Variants in USP14 observed in about 807,000 individuals in gnomAD.
The protein encoded by USP14 is ubiquitin specific peptidase 14.
A neutral mutation model predicts 76.5 loss-of-function variants in USP14; 38 were observed. The ratio of observed to expected loss-of-function variants is 0.50; its 90% confidence interval spans 0.38 to 0.65. The LOEUF (loss-of-function observed/expected upper bound fraction) is 0.65, where lower values mean the gene tolerates loss of function less well. USP14 is among the 30% of genes least tolerant of loss of function. The pLI is 0.00. For missense variants in USP14, 467 were observed against 586.5 expected, an observed-to-expected ratio of 0.80 and a Z score of 2.10; for synonymous variants, 192 against 191.7, an observed-to-expected ratio of 1.00 and a Z score of -0.01.
chr18:198,880 T>C (rs1910313576), intron 9 of USP14, among the ~76,000 whole-genome samples: 1 of 152,180 alleles, frequency 6.6e-6, no homozygotes, highest in African/African-American at 2.4e-5. Flanking sequence ...TTCTAGGTCA[T>C]GGTTAGAAAA....
chr18:195,046 T>C (rs76518738), intron 6 of USP14, among the ~76,000 whole-genome samples: 10 of 152,148 alleles, frequency 6.6e-5, no homozygotes, highest in African/African-American at 2.4e-4. Context: ...TTTTTTTTTT[T>C]CCTTCTTCAG....
intron 6 of USP14, among the ~76,000 whole-genome samples, chr18:193,624 C>T (rs532865284): frequency 1.1e-4 from 17 of 152,170 alleles, no homozygotes; most frequent in Non-Finnish European, 2.4e-4. Flanking sequence ...ACCCATTTAT[C>T]TATGTGTTAT....
At chr18:173,189 A>G (rs1472679218) in intron 3 of USP14, among the ~76,000 whole-genome samples, 1 of 151,404 alleles carries the variant, frequency 6.6e-6, no homozygotes, top group East Asian at 1.9e-4. Flanking sequence ...GCTCACTGCA[A>G]GCTCCACCTC....
At chr18:210,314 T>A (rs1910636528) in intron 14 of USP14, 72 bp from the exon 15 acceptor site, 1 of 1,108,030 alleles carries the variant, frequency 9.0e-7, no homozygotes, top group Non-Finnish European at 1.3e-6. Flanking sequence ...TTAGAGTTAT[T>A]CTTGTTACTT....
At chr18:183,378 T>C (rs764492193) in intron 5 of USP14, among the ~76,000 whole-genome samples, 36 of 152,124 alleles carry the variant, frequency 2.4e-4, no homozygotes, top group Middle Eastern at 3.4e-3. Context: ...GTTTTATTTA[T>C]CTTATAAAAG....
In USP14 at chr18:210,046, C is replaced by T; in HGVS notation, c.1225+15C>T. ...TTTTGCTGATGGTAAGTAACATTCT[C>T]ATTTTAATTGAGTTATTGTATGTGG... is the stretch of plus-strand genomic sequence containing the variant. On this transcript the variant is annotated intron_variant, in intron 14 of 15. Coordinates refer to ENST00000261601, the MANE Select transcript of USP14 (RefSeq NM_005151.4). The T allele has an allele frequency of 6.3e-7, 1 of 1,582,666 alleles. No individual in the cohort carries two copies. The highest frequency in any genetic ancestry group is 1.4e-5 in the African/African-American group (1 of 73,550).
At chr18:194,861 G>T (rs1207892043) in intron 6 of USP14, among the ~76,000 whole-genome samples, 1 of 152,138 alleles carries the variant, frequency 6.6e-6, no homozygotes, top group Admixed American at 6.5e-5. Context: ...AACCTGGGAG[G>T]CAGAGGTTAC....
chr18:172,003 G>A (rs1447522292), intron 3 of USP14, among the ~76,000 whole-genome samples: 1 of 152,184 alleles, frequency 6.6e-6, no homozygotes, highest in Non-Finnish European at 1.5e-5. Context: ...CACTTTGGGA[G>A]TCTGAGACAG....
In USP14 at chr18:158,713, C is replaced by T. The variant is rs756443935; in HGVS notation, c.15C>T (p.Ser5=). The T allele has an allele frequency of 7.2e-6, 11 of 1,533,934 alleles. No individual in the cohort carries two copies. The African/African-American group carries it at 8.6e-5, about 12-fold the overall frequency. MPLY[S]VTVKWGKEKF... ...CGCGCCCCGCCATGCCGCTCTACTC[C>T]GGTGAGCCCTGTCCTGGCCTCGCGC... Residue 5 remains serine, a splice_region_variant and synonymous_variant, in exon 1 of 16, where the codon TCC becomes TCT. Coordinates refer to ENST00000261601, the MANE Select transcript of USP14 (RefSeq NM_005151.4).
chr18:204,676 A>G lies in USP14; in HGVS notation c.1148A>G (p.Asn383Ser). ...KFKDLEDKKV[N>S]QQPNTSDKKS... ...AAGGATCTAGAAGATAAAAAAGTGA[A>G]TCAGCAGCCAAATACAGTAGGTTCT... Residue 383 changes from asparagine to serine, a missense_variant, in exon 13 of 16, where the codon AAT (asparagine) becomes AGT (serine). Physicochemically the swap from Asn to Ser is conservative, Grantham distance 46 (BLOSUM62 1). Transcript: ENST00000261601. The G allele has an allele frequency of 1.2e-6, 2 of 1,612,544 alleles. No individual in the cohort carries two copies. Among genetic ancestry groups the G allele is most frequent in the Non-Finnish European group, 1.7e-6 (2 of 1,179,634 alleles).
Position 163,340 on chromosome 18 carries a change from G to C in USP14, c.49G>C (p.Gly17Arg), listed in dbSNP as rs200624478. Residue 17 changes from glycine to arginine, a missense_variant, in exon 2 of 16, where the codon GGT (glycine) becomes CGT (arginine). Physicochemically the swap from Gly to Arg is moderately radical, Grantham distance 125. Coordinates refer to ENST00000261601, the MANE Select transcript of USP14 (RefSeq NM_005151.4). ...AAAATGGGGAAAGGAGAAATTTGAA[G>C]GTGTAGAATTGAATACAGATGAACC... ...TVKWGKEKFEGVELNTDEPPM... is the reference protein window; with the variant it reads ...TVKWGKEKFERVELNTDEPPM... The C allele has an allele frequency of 1.3e-5, 21 of 1,610,852 alleles. No homozygotes were observed. The Admixed American group carries it at 2.4e-4, about 18-fold the overall frequency.
At chr18:172,709 T>C (rs1019804250) in intron 3 of USP14, among the ~76,000 whole-genome samples, 8 of 146,844 alleles carry the variant, frequency 5.4e-5, no homozygotes, top group African/African-American at 4.9e-5. Context: ...TAGATGATTG[T>C]CAGCTTTTTT....
At chr18:170,882 A>C (rs1369038318) in intron 3 of USP14, among the ~76,000 whole-genome samples, 1 of 151,804 alleles carries the variant, frequency 6.6e-6, no homozygotes, top group Non-Finnish European at 1.5e-5. Context: ...GGAGAGCATC[A>C]GGATAAATAG....
chr18:160,682 T>G (rs976679936), intron 1 of USP14, among the ~76,000 whole-genome samples: 4 of 152,236 alleles, frequency 2.6e-5, no homozygotes, highest in African/African-American at 9.6e-5. Flanking sequence ...GCACAATAAA[T>G]TTCAGGTAGG....
intron 3 of USP14, among the ~76,000 whole-genome samples, chr18:173,035 C>G (rs977487874): frequency 6.6e-6 from 1 of 150,420 alleles, no homozygotes; most frequent in African/African-American, 2.4e-5. Flanking sequence ...GCCAAGTTTA[C>G]AAGATTTTTT....
intron 10 of USP14, among the ~76,000 whole-genome samples, chr18:202,116 C>G (rs958760156): frequency 6.6e-6 from 1 of 152,094 alleles, no homozygotes; most frequent in South Asian, 2.1e-4. Context: ...TGTTTGTTTT[C>G]TTAAAGCAGA....
chr18:201,633 A>G (rs1018631363), intron 10 of USP14, among the ~76,000 whole-genome samples: 1 of 152,184 alleles, frequency 6.6e-6, no homozygotes, highest in Non-Finnish European at 1.5e-5. Flanking sequence ...CAAATCATGT[A>G]AGGCATGGTG....
rs1910705423 is a variant in USP14 at position 212,757 on chromosome 18, C to T, written c.*1473C>T. On this transcript the variant is annotated 3_prime_UTR_variant, in exon 16 of 16. Coordinates refer to ENST00000261601, the MANE Select transcript of USP14 (RefSeq NM_005151.4). ...CTCATCTTTGTTCCAGGACCCTTGA[C>T]TGATGCTAGGGAAAGGATAAAGCAT... The T allele has an allele frequency of 1.3e-5, 2 of 152,120 alleles. No individual in the cohort carries two copies. The highest frequency in any genetic ancestry group is 6.5e-5 in the Admixed American group (1 of 15,272). The allele number at this position is 152,120 out of a possible 1,614,324, so 9.4% of individuals were successfully genotyped here.
chr18:204,002 G>C (rs1012406375), intron 12 of USP14, among the ~76,000 whole-genome samples: 3 of 152,126 alleles, frequency 2.0e-5, no homozygotes, highest in Admixed American at 6.5e-5. Context: ...CATCTCCATA[G>C]AGTCCTGGGA....
Sources: gnomAD v4.1 joint callset for allele counts (sites outside exome capture counted in the v4.1 genomes callset) on GRCh38, gnomAD v4.1.1 for gene constraint, MANE v1.5 for transcripts, NCBI Gene and HGNC (gene_info 2026-07-23, HGNC 2026-07-21) for gene names.